Variants in XKR4 observed in about 807,000 individuals in gnomAD.
The protein encoded by XKR4 is XK-related protein 4.
XKR4 carries 12 observed loss-of-function variants against 53.9 expected under a neutral mutation model. The ratio of observed to expected loss-of-function variants is 0.22; its 90% CI spans 0.14 to 0.36. The LOEUF is 0.36. XKR4 is among the 10% of genes least tolerant of loss of function. XKR4 has a pLI of 1.00. For missense variants in XKR4, 799 were observed against 859.5 expected (o/e 0.93, Z 0.88); for synonymous variants, 354 against 362.4 (o/e 0.98, Z 0.26).
intron 1 of XKR4, among the ~76,000 whole-genome samples, chr8:55,332,719 T>G (rs577298962): frequency 6.6e-6 from 1 of 152,240 alleles, no homozygotes; most frequent in African/African-American, 2.4e-5. Context: ...TTTATCATAG[T>G]TGGAGTTCAT....
intron 1 of XKR4, among the ~76,000 whole-genome samples, chr8:55,301,931 C>T (rs1819205962): frequency 1.3e-5 from 2 of 152,086 alleles, no homozygotes; most frequent in Non-Finnish European, 2.9e-5. Flanking sequence ...AAAATTTTCT[C>T]CCATTTTGTA....
chr8:55,357,765 G>T lies in XKR4; in HGVS notation c.894G>T (p.Glu298Asp). The T allele has an allele frequency of 6.2e-7, 1 of 1,614,234 alleles. No individual in the cohort carries two copies. Residue 298 changes from glutamate to aspartate, a missense_variant, in exon 2 of 3, where the codon GAG (glutamate) becomes GAT (aspartate). Glu to Asp is a conservative substitution (Grantham distance 45). Around this residue, in one of 3 missense-constraint regions of XKR4, gnomAD observed 476 missense variants for 505.4 expected, o/e 0.94. Coordinates refer to ENST00000327381, the MANE Select transcript of XKR4 (RefSeq NM_052898.2). ...RWRFYWKMVYEYADVSMLHLL... is the reference protein window; with the variant it reads ...RWRFYWKMVYDYADVSMLHLL... ...GGTTTTACTGGAAAATGGTATATGA[G>T]TATGCGGATGTGAGTATGCTGCATT...
intron 1 of XKR4, among the ~76,000 whole-genome samples, chr8:55,180,761 G>A (rs1817300120): frequency 6.6e-6 from 1 of 151,974 alleles, no homozygotes; most frequent in African/African-American, 2.4e-5. Context: ...TTGAACTCCT[G>A]ACCTCGAGTG....
intron 2 of XKR4, among the ~76,000 whole-genome samples, chr8:55,385,175 T>C (rs1804290737): frequency 6.6e-6 from 1 of 152,186 alleles, no homozygotes; most frequent in Non-Finnish European, 1.5e-5. Flanking sequence ...ATATGCTGGT[T>C]CTGAAGGCCT....
chr8:55,359,399 T>A (rs145408353), intron 2 of XKR4, among the ~76,000 whole-genome samples: 1 of 152,326 alleles, frequency 6.6e-6, no homozygotes, highest in East Asian at 1.9e-4. Flanking sequence ...CTCTATTCTA[T>A]CTTTGAATCA....
intron 1 of XKR4, among the ~76,000 whole-genome samples, chr8:55,289,591 G>GGAA (rs1818956164): frequency 1.5e-5 from 1 of 67,380 alleles, no homozygotes; most frequent in Non-Finnish European, 2.7e-5. Flanking sequence ...AAGAAAGAAA[G>GGAA]AGAAAGAAAG....
At chr8:55,406,520 C>T (rs371996603) in intron 2 of XKR4, among the ~76,000 whole-genome samples, 3 of 152,252 alleles carry the variant, frequency 2.0e-5, no homozygotes, top group East Asian at 1.9e-4. Flanking sequence ...CAGAAAGGCC[C>T]GGGTCTGCCT....
chr8:55,480,636 T>C (rs1463195565), intron 2 of XKR4, among the ~76,000 whole-genome samples: 1 of 152,004 alleles, frequency 6.6e-6, no homozygotes, highest in Admixed American at 6.5e-5. Context: ...ATGACATGAT[T>C]GTATATTTAG....
intron 1 of XKR4, among the ~76,000 whole-genome samples, chr8:55,118,864 C>T (rs895580222): frequency 5.3e-5 from 8 of 151,752 alleles, no homozygotes; most frequent in African/African-American, 1.2e-4. Flanking sequence ...ATATGTTTTT[C>T]GAAGTTCATG....
At chr8:55,335,074 A>G (rs1803440168) in intron 1 of XKR4, among the ~76,000 whole-genome samples, 1 of 152,158 alleles carries the variant, frequency 6.6e-6, no homozygotes, top group Non-Finnish European at 1.5e-5. Flanking sequence ...ATTTTAGACA[A>G]CATAGGGCCT....
chr8:55,213,409 G>A (rs754204303), intron 1 of XKR4, among the ~76,000 whole-genome samples: 6 of 152,190 alleles, frequency 3.9e-5, no homozygotes, highest in Admixed American at 6.5e-5. Flanking sequence ...GGTGGCATCA[G>A]CTGATCCATG....
At chr8:55,492,846 T>A (rs1806290980) in intron 2 of XKR4, among the ~76,000 whole-genome samples, 1 of 152,244 alleles carries the variant, frequency 6.6e-6, no homozygotes, top group Admixed American at 6.5e-5. Flanking sequence ...GAATTTTAGA[T>A]CTCTCTCCTG....
chr8:55,492,088 A>G (rs1416267517), intron 2 of XKR4, among the ~76,000 whole-genome samples: 1 of 152,064 alleles, frequency 6.6e-6, no homozygotes, highest in African/African-American at 2.4e-5. Context: ...TCCCTGTGCC[A>G]CAGTTTAGAA....
At chr8:55,299,136 C>A (rs879507796) in intron 1 of XKR4, among the ~76,000 whole-genome samples, 1 of 152,110 alleles carries the variant, frequency 6.6e-6, no homozygotes, top group Admixed American at 6.6e-5. Context: ...GTTTATTTCT[C>A]TTTCATTACA....
intron 1 of XKR4, among the ~76,000 whole-genome samples, chr8:55,141,358 G>A (rs1456966594): frequency 2.6e-5 from 4 of 152,010 alleles, no homozygotes; most frequent in Non-Finnish European, 5.9e-5. Context: ...CCTCAACTGT[G>A]GCCGCTCTGG....
intron 2 of XKR4, among the ~76,000 whole-genome samples, chr8:55,358,546 G>T (rs933831575): frequency 8.5e-5 from 13 of 152,172 alleles, no homozygotes; most frequent in Admixed American, 8.5e-4. Context: ...CAGCAGAGCT[G>T]CCAGGCATTT....
At chr8:55,404,013 T>C (rs750412468) in intron 2 of XKR4, among the ~76,000 whole-genome samples, 1 of 152,172 alleles carries the variant, frequency 6.6e-6, no homozygotes, top group African/African-American at 2.4e-5. Flanking sequence ...CAACCTGCTA[T>C]AGCCTTGGAG....
chr8:55,168,427 G>A (rs1265995642), intron 1 of XKR4, among the ~76,000 whole-genome samples: 1 of 152,108 alleles, frequency 6.6e-6, no homozygotes, highest in African/African-American at 2.4e-5. Flanking sequence ...AGAGGCTGAA[G>A]GATTATTACC....
intron 1 of XKR4, among the ~76,000 whole-genome samples, chr8:55,260,785 G>T (rs1031762777): frequency 6.6e-6 from 1 of 152,172 alleles, no homozygotes; most frequent in African/African-American, 2.4e-5. Flanking sequence ...TTGCCTGACT[G>T]GTGCCATGTA....
Sources: allele counts gnomAD v4.1 joint callset (sites outside exome capture counted in the v4.1 genomes callset), GRCh38; gene constraint gnomAD v4.1.1; regional missense constraint gnomAD v4.1.1; transcripts MANE v1.5; gene names NCBI Gene and HGNC (gene_info 2026-07-23, HGNC 2026-07-21).